GPBP1L1: variants seen among roughly 807,000 people sequenced by gnomAD.
GPBP1L1 encodes vasculin-like protein 1.
Under a neutral mutation model 52.5 loss-of-function variants are expected in GPBP1L1, and 23 were observed. The ratio of observed to expected loss-of-function variants is 0.44; its 90% CI spans 0.32 to 0.62. The LOEUF (loss-of-function observed/expected upper bound fraction) is 0.62. Among genes scored for constraint, GPBP1L1 ranks in the 20% least tolerant of loss-of-function variants. The probability of loss-of-function intolerance (pLI) is 0.06; values close to 1 mark genes in which losing one functional copy is unlikely to be tolerated. For missense variants in GPBP1L1, 596 were observed against 579.3 expected, an observed-to-expected ratio of 1.03 and a Z score of -0.30; for synonymous variants, 243 against 203.1, an observed-to-expected ratio of 1.20 and a Z score of -1.67.
At chr1:45,684,729 AAC>A (rs1349176937) in intron 2 of GPBP1L1, among the ~76,000 whole-genome samples, 1 of 152,190 alleles carries the variant, frequency 6.6e-6, no homozygotes, top group Non-Finnish European at 1.5e-5. Context: ...ACAGTGACAA[AAC>A]ACAAAGCAAC....
chr1:45,654,543 A>G lies in GPBP1L1; in HGVS notation c.477T>C (p.Phe159=), dbSNP rs756552226. 10 of 1,605,626 alleles carry G rather than the reference A, an allele frequency of 6.2e-6. No homozygotes were observed. The highest frequency in any genetic ancestry group is 1.7e-4 in the Middle Eastern group (1 of 6,052). The change falls in exon 6 of 13, where the codon TTT becomes TTC. Residue 159 remains phenylalanine (F), a splice_region_variant and synonymous_variant. Coordinates refer to ENST00000355105, the MANE Select transcript of GPBP1L1 (RefSeq NM_021639.5). Reference sequence around the variant, plus strand: ...CACACATCTAAAGATTCATACTTACAAAGTCCTCCTCTTCAAACTGCAACT... The same window carrying G: ...CACACATCTAAAGATTCATACTTACGAAGTCCTCCTCTTCAAACTGCAACT... ...VEKLQFEEED[F]PSLNPEAGKQ... is the part of the protein sequence containing the mutation.
chr1:45,665,586 C>T (rs1346208777), intron 2 of GPBP1L1, among the ~76,000 whole-genome samples: 1 of 151,650 alleles, frequency 6.6e-6, no homozygotes, highest in Non-Finnish European at 1.5e-5. Context: ...GCTAAAAATA[C>T]AAAAACTAGC....
Position 45,628,230 on chromosome 1 carries a change from A to C in GPBP1L1, c.*26T>G. The stretch of plus-strand genomic sequence containing the variant: ...CTAAACACACAGAGTTTACTGGGTC[A>C]GATTTAACTGTGAGCATTTATATGC... On this transcript the variant is annotated 3_prime_UTR_variant, in exon 13 of 13. Coordinates refer to ENST00000355105, the MANE Select transcript of GPBP1L1 (RefSeq NM_021639.5). 1 of 1,609,216 alleles carries C rather than the reference A, an allele frequency of 6.2e-7. No homozygotes were observed. The highest frequency in any genetic ancestry group is 8.5e-7 in the Non-Finnish European group (1 of 1,176,378).
chr1:45,638,483 G>C (rs1644625319), intron 8 of GPBP1L1, among the ~76,000 whole-genome samples: 1 of 152,094 alleles, frequency 6.6e-6, no homozygotes, highest in Non-Finnish European at 1.5e-5. Flanking sequence ...TCACCCACTT[G>C]TATTTCTGTG....
At chr1:45,644,290 A>ACCCAG (rs1244177164) in intron 6 of GPBP1L1, among the ~76,000 whole-genome samples, 6 of 152,236 alleles carry the variant, frequency 3.9e-5, no homozygotes, top group Admixed American at 3.3e-4. Context: ...TCATTTTAAT[A>ACCCAG]GGCATGTTGT....
At chr1:45,682,290 CAG>C (rs1645221059) in intron 2 of GPBP1L1, among the ~76,000 whole-genome samples, 1 of 152,286 alleles carries the variant, frequency 6.6e-6, no homozygotes, top group Non-Finnish European at 1.5e-5. Context: ...TAAGCAGAAA[CAG>C]AGTTTGCAAG....
At position 45,633,539 on chromosome 1, in the gene GPBP1L1, C is replaced by T. The variant is rs1259157496; in HGVS notation, c.994G>A (p.Asp332Asn). Reference protein sequence around the residue: ...KSEFLKTLKDDRNGDFSENRD... With the variant: ...KSEFLKTLKDNRNGDFSENRD... ...TTCTCTGAGAAGTCTCCATTCCGGT[C>T]ATCCTTCAGAGTTTTCAGGAACTCA... The change falls in exon 10 of 13, where the codon GAC (aspartate) becomes AAC (asparagine). Residue 332 changes from aspartate to asparagine, a missense_variant. Physicochemically the swap from Asp to Asn is conservative, Grantham distance 23 (BLOSUM62 1). Transcript: ENST00000355105. 3.1e-6 allele frequency: 5 copies of T among 1,613,944 alleles called. No individual in the cohort carries two copies. The highest frequency in any genetic ancestry group is 3.3e-5 in the Admixed American group (2 of 59,996).
chr1:45,651,599 G>C, intron 6 of GPBP1L1: 1 of 669,266 alleles, frequency 1.5e-6, no homozygotes, highest in Non-Finnish European at 2.7e-6. Context: ...AATCGCAGGA[G>C]GCATTTTCAG....
chr1:45,667,422 C>A (rs1393077187), intron 2 of GPBP1L1, among the ~76,000 whole-genome samples: 2 of 152,138 alleles, frequency 1.3e-5, no homozygotes, highest in Non-Finnish European at 2.9e-5. Context: ...ATATGTCAGG[C>A]GCACTATTCG....
At chr1:45,685,411 A>T (rs1188963746) in intron 2 of GPBP1L1, among the ~76,000 whole-genome samples, 165 bp downstream of exon 2, 1 of 152,226 alleles carries the variant, frequency 6.6e-6, no homozygotes, top group Admixed American at 6.5e-5. Flanking sequence ...AATGTTAAAA[A>T]TATTTCAACA....
chr1:45,637,198 G>T (rs183613812), intron 8 of GPBP1L1, among the ~76,000 whole-genome samples: 31 of 152,142 alleles, frequency 2.0e-4, no homozygotes, highest in Admixed American at 1.8e-3. Flanking sequence ...GTATTATTTT[G>T]TGTCTCTAGT....
chr1:45,664,225 C>T (rs1644981282), intron 2 of GPBP1L1, among the ~76,000 whole-genome samples: 1 of 152,060 alleles, frequency 6.6e-6, no homozygotes, highest in South Asian at 2.1e-4. Context: ...GAGGCTGAGT[C>T]AGGAGAATGG....
chr1:45,652,687 TG>T (rs1644833044), intron 6 of GPBP1L1, among the ~76,000 whole-genome samples: 2 of 152,060 alleles, frequency 1.3e-5, no homozygotes, highest in Admixed American at 6.6e-5. Context: ...AAAGGAAAGT[TG>T]TTTTTTAATA....
chr1:45,665,479 G>A (rs145982902), intron 2 of GPBP1L1, among the ~76,000 whole-genome samples: 4 of 151,958 alleles, frequency 2.6e-5, no homozygotes, highest in Non-Finnish European at 5.9e-5. Context: ...GGCCAAGCGC[G>A]GTGGCTCACA....
At chr1:45,686,797 C>G (rs908347260), upstream of GPBP1L1, 1 of 152,530 alleles carries the variant, frequency 6.6e-6, no homozygotes, top group African/African-American at 2.4e-5. Context: ...CTGCCCCCTA[C>G]AGAATTGAAT....
In GPBP1L1 at chr1:45,628,085, G is replaced by A. The variant is rs1478309395; in HGVS notation, c.*171C>T. The stretch of plus-strand genomic sequence containing the variant: ...TCTCTATAAAGCAGATAACAGGGAA[G>A]AACAATAACAAAAGCAAAACAAGCC... On this transcript the variant is annotated 3_prime_UTR_variant, in exon 13 of 13. Transcript: ENST00000355105. 3.0e-6 allele frequency: 2 copies of A among 675,078 alleles called. No homozygotes were observed. Among genetic ancestry groups the A allele is most frequent in the Non-Finnish European group, 2.5e-6 (1 of 397,478 alleles). The allele number at this position is 675,078 out of a possible 1,614,324, so 41.8% of individuals were successfully genotyped here. A position where few individuals can be genotyped will look rare whatever the true frequency, so the allele number is the denominator to read the frequency against.
At chr1:45,656,669 CT>C (rs531524977) in intron 4 of GPBP1L1, among the ~76,000 whole-genome samples, 1,784 of 139,694 alleles carry the variant, frequency 0.013, 3 homozygotes, top group East Asian at 0.024. Flanking sequence ...ATACATAAGC[CT>C]TTTTTTTTTT....
intron 6 of GPBP1L1, among the ~76,000 whole-genome samples, chr1:45,649,960 A>G (rs1569812954): frequency 6.6e-6 from 1 of 152,134 alleles, no homozygotes; most frequent in East Asian, 1.9e-4. Context: ...TGCAAACACA[A>G]AGTTTTATTT....
rs371441608 is a variant in GPBP1L1, at chr1:45,632,641, G to A, written c.1044+848C>T. On this transcript the variant is annotated intron_variant, in intron 10 of 12. Transcript: ENST00000355105. Reference sequence around the variant, plus strand: ...TGAGGCAGGAGAATCGCTTGAACCCGGGAAGCGGAGGTTGCAATGAGCCCA... The same window carrying A: ...TGAGGCAGGAGAATCGCTTGAACCCAGGAAGCGGAGGTTGCAATGAGCCCA... Among the ~76,000 whole-genome samples, 48 of 152,188 alleles carry A rather than the reference G, an allele frequency of 3.2e-4. No homozygotes were observed. In the East Asian group the frequency reaches 7.6e-3, roughly 24 times the overall value.
Sources: allele counts gnomAD v4.1 joint callset (sites outside exome capture counted in the v4.1 genomes callset), GRCh38; gene constraint gnomAD v4.1.1; transcripts MANE v1.5; gene names NCBI Gene and HGNC (gene_info 2026-07-23, HGNC 2026-07-21).